Variants in ZNF267 observed in about 807,000 individuals in gnomAD.
ZNF267 encodes the protein zinc finger protein 267, also known as zinc finger (C2H2).
Under a neutral mutation model 71.6 loss-of-function variants are expected in ZNF267, and 61 were observed. That is an observed-to-expected ratio of 0.85 (90% CI 0.69 to 1.05). ZNF267 has a LOEUF of 1.05. Ranked by LOEUF, ZNF267 falls within the 50% of genes least tolerant of loss-of-function variation. ZNF267 has a pLI of 0.00. For synonymous variants in ZNF267, 288 were observed against 293.2 expected (o/e 0.98, Z 0.18); for missense variants, 852 against 870.0 (o/e 0.98, Z 0.26).
chr16:31,897,010 T>A (rs978145276), intron 3 of ZNF267, among the ~76,000 whole-genome samples: 1 of 152,116 alleles, frequency 6.6e-6, no homozygotes, highest in Non-Finnish European at 1.5e-5. Flanking sequence ...TTGCTAGGTA[T>A]CTTAATTTTA....
intron 3 of ZNF267, chr16:31,914,202 C>T: frequency 2.7e-6 from 1 of 367,258 alleles, no homozygotes; most frequent in Non-Finnish European, 4.9e-6. Flanking sequence ...CTCCGTCTCC[C>T]AAATGAACAG....
In ZNF267 at chr16:31,884,524, C is replaced by T. The variant is rs199877216; in HGVS notation, c.30C>T (p.Ala10=). The change falls in exon 2 of 4, where the codon GCC becomes GCT. Residue 10 remains alanine (A), a synonymous_variant. Coordinates refer to ENST00000300870, the MANE Select transcript of ZNF267 (RefSeq NM_003414.6). Reference sequence around the variant, plus strand: ...GACTGTTGACATTCAGGGATGTGGCCGTAGAATTCTCTTTGGAGGAGTGGG... The same window carrying T: ...GACTGTTGACATTCAGGGATGTGGCTGTAGAATTCTCTTTGGAGGAGTGGG... MGLLTFRDV[A]VEFSLEEWEH... 3.1e-5 allele frequency: 50 copies of T among 1,613,996 alleles called. No individual in the cohort carries two copies. Among genetic ancestry groups the T allele is most frequent in the South Asian group, 2.4e-4 (22 of 91,082 alleles).
At chr16:31,912,568 A>G (rs2084143344) in intron 3 of ZNF267, 1 of 151,556 alleles carries the variant, frequency 6.6e-6, no homozygotes. Context: ...GTACTTGGAT[A>G]TTGATATCTT....
intron 1 of ZNF267, among the ~76,000 whole-genome samples, chr16:31,882,052 CAAG>C (rs751531417): frequency 1.3e-5 from 2 of 152,090 alleles, no homozygotes; most frequent in Admixed American, 1.3e-4. Context: ...GATAGGGAAA[CAAG>C]AAGAAATAGA....
intron 3 of ZNF267, among the ~76,000 whole-genome samples, chr16:31,887,974 AT>A (rs1366971807): frequency 6.6e-6 from 1 of 152,082 alleles, no homozygotes; most frequent in Non-Finnish European, 1.5e-5. Context: ...AAGTATGGAC[AT>A]TTTAGCAATA....
intron 3 of ZNF267, among the ~76,000 whole-genome samples, chr16:31,892,436 A>G (rs942215936): frequency 6.6e-6 from 1 of 152,264 alleles, no homozygotes. Context: ...GCCTCTCCCA[A>G]ATCTCATGTC....
intron 1 of ZNF267, among the ~76,000 whole-genome samples, chr16:31,881,010 CGTT>C (rs943997220): frequency 6.6e-6 from 1 of 152,116 alleles, no homozygotes; most frequent in Admixed American, 6.5e-5. Context: ...CTTATGTTGA[CGTT>C]GTGAATTCTG....
rs376431303 is a variant in ZNF267, at chr16:31,906,655, G to A, written c.227-7821G>A. On this transcript the variant is annotated intron_variant, in intron 3 of 3. Coordinates refer to ENST00000300870, the MANE Select transcript of ZNF267 (RefSeq NM_003414.6). ...CGCTGTATTAGGGTGGGAGTGACCC[G>A]ATTTTCCAGGTGCCGTCTGTCACCC... 2.4e-4 allele frequency among the ~76,000 whole-genome samples: 36 copies of A among 152,256 alleles called. No homozygotes were observed. The East Asian group carries it at 6.0e-3, about 25-fold the overall frequency.
intron 1 of ZNF267, among the ~76,000 whole-genome samples, chr16:31,875,695 C>A (rs186719165): frequency 6.6e-6 from 1 of 152,126 alleles, no homozygotes; most frequent in Admixed American, 6.6e-5. Context: ...CAAATGATAC[C>A]GTGACCTGAC....
chr16:31,879,381 C>T (rs1258954933), intron 1 of ZNF267, among the ~76,000 whole-genome samples: 1 of 152,246 alleles, frequency 6.6e-6, no homozygotes, highest in Non-Finnish European at 1.5e-5. Context: ...GGTTGCCTAT[C>T]ATTCCTTTAC....
intron 3 of ZNF267, among the ~76,000 whole-genome samples, chr16:31,900,252 A>G (rs933000907): frequency 3.9e-5 from 6 of 152,084 alleles, no homozygotes; most frequent in Non-Finnish European, 7.4e-5. Context: ...ATATACTATT[A>G]TTACAATAAT....
chr16:31,886,626 G>A lies in ZNF267; in HGVS notation c.226+1370G>A, dbSNP rs532344466. 2.6e-5 allele frequency among the ~76,000 whole-genome samples: 4 copies of A among 152,250 alleles called. No individual in the cohort carries two copies. In the South Asian group the frequency reaches 8.3e-4, roughly 32 times the overall value. ...TGGTCCCTGCTGCTGAAAAGGTTGG[G>A]TACTGCTACTGTAGAGTATCATTAA... On this transcript the variant is annotated intron_variant, in intron 3 of 3. Transcript: ENST00000300870.
At chr16:31,893,894 G>A (rs2083978092) in intron 3 of ZNF267, among the ~76,000 whole-genome samples, 3 of 152,218 alleles carry the variant, frequency 2.0e-5, no homozygotes, top group Non-Finnish European at 4.4e-5. Flanking sequence ...ATGTGTCACA[G>A]ACAGGACCAA....
intron 3 of ZNF267, among the ~76,000 whole-genome samples, chr16:31,886,169 T>C (rs1255674746): frequency 1.3e-5 from 2 of 152,218 alleles, no homozygotes; most frequent in Non-Finnish European, 2.9e-5. Flanking sequence ...TGATTTGATA[T>C]ACATACACAT....
rs1223952320 is a variant in ZNF267 at position 31,915,220 on chromosome 16, G to C, written c.971G>C (p.Cys324Ser). ...CATAATGAAGAGAAACCATACAAAT[G>C]TGAAAAATGTGGGGATAGCTTAAAC... Reference protein sequence around the residue: ...IIHNEEKPYKCEKCGDSLNHS... With the variant: ...IIHNEEKPYKSEKCGDSLNHS... The change falls in exon 4 of 4, where the codon TGT becomes TCT. Residue 324 changes from cysteine (C) to serine (S), a missense_variant. By Grantham distance (112) the Cys-to-Ser change is moderately radical. Transcript: ENST00000300870. 6.2e-7 allele frequency: 1 copy of C among 1,613,772 alleles called. No homozygotes were observed.
intron 3 of ZNF267, among the ~76,000 whole-genome samples, chr16:31,904,304 C>T (rs987300153): frequency 3.0e-4 from 45 of 152,250 alleles, no homozygotes; most frequent in Admixed American, 7.2e-4. Context: ...CTATTAGGTC[C>T]GCTTGGTGCA....
chr16:31,884,778 A>C (rs2083912615), intron 2 of ZNF267, among the ~76,000 whole-genome samples, 154 bp downstream of exon 2: 1 of 152,176 alleles, frequency 6.6e-6, no homozygotes, highest in South Asian at 2.1e-4. Context: ...AAAATTTCAT[A>C]ATGTTTGATT....
chr16:31,900,002 A>T (rs1179663392), intron 3 of ZNF267, among the ~76,000 whole-genome samples: 2 of 151,974 alleles, frequency 1.3e-5, no homozygotes, highest in Non-Finnish European at 2.9e-5. Flanking sequence ...ATATATACAC[A>T]CACACACACA....
At chr16:31,887,561 A>G (rs2083932471) in intron 3 of ZNF267, among the ~76,000 whole-genome samples, 1 of 152,104 alleles carries the variant, frequency 6.6e-6, no homozygotes. Context: ...TTTTGAGTTA[A>G]TTTTTGTACA....
Sources: allele counts gnomAD v4.1 joint callset (sites outside exome capture counted in the v4.1 genomes callset), GRCh38; gene constraint gnomAD v4.1.1; transcripts MANE v1.5; gene names NCBI Gene and HGNC (gene_info 2026-07-23, HGNC 2026-07-21).